The following SYT15B variants were observed in gnomAD, a reference collection of about 807,000 sequenced individuals.
The protein encoded by SYT15B is synaptotagmin-15.
chr10:47,745,882 A>G, the SYT15B span, among the ~76,000 whole-genome samples: 13 of 151,174 alleles, frequency 8.6e-5, no homozygotes, highest in African/African-American at 2.7e-4. Flanking sequence ...GCTTTGGCCA[A>G]TGGGATATTG....
the SYT15B span, among the ~76,000 whole-genome samples, chr10:47,756,701 G>A: frequency 1.3e-5 from 2 of 152,310 alleles, no homozygotes; most frequent in Non-Finnish European, 2.9e-5. Flanking sequence ...CACTGGGATG[G>A]GTGGGATGTG....
At chr10:47,747,818 T>A in the SYT15B span, among the ~76,000 whole-genome samples, 1 of 151,832 alleles carries the variant, frequency 6.6e-6, no homozygotes. Context: ...GAGACTTTCA[T>A]CAAAGAACTG....
At chr10:47,755,555 CTTTTTTTTT>C in the SYT15B span, among the ~76,000 whole-genome samples, 6 of 82,988 alleles carry the variant, frequency 7.2e-5, no homozygotes, top group Admixed American at 1.5e-4. Context: ...GTGCCCGGCC[CTTTTTTTTT>C]TTTTTTTTTT....
At chr10:47,749,679 GA>G in the SYT15B span, among the ~76,000 whole-genome samples, 230 of 151,080 alleles carry the variant, frequency 1.5e-3, 5 homozygotes, top group African/African-American at 5.3e-3. Flanking sequence ...GGTAGGGGGG[GA>G]AACGGAATTA....
chr10:47,753,130 A>G, the SYT15B span: 2 of 980,548 alleles, frequency 2.0e-6, no homozygotes, highest in Admixed American at 6.2e-5. Flanking sequence ...ATAAAAAAAA[A>G]AAAGAAAAAG....
chr10:47,763,165 C>T, the SYT15B span: 1 of 989,644 alleles, frequency 1.0e-6, no homozygotes, highest in Non-Finnish European at 1.2e-6. Flanking sequence ...GGGGAGCCTT[C>T]CCGGATCCCG....
chr10:47,747,980 A>G, the SYT15B span, among the ~76,000 whole-genome samples: 1 of 152,112 alleles, frequency 6.6e-6, no homozygotes, highest in African/African-American at 2.4e-5. Flanking sequence ...CTCTAAGCTG[A>G]AGAACAGAGA....
chr10:47,748,757 C>T, the SYT15B span, among the ~76,000 whole-genome samples: 2 of 151,088 alleles, frequency 1.3e-5, no homozygotes, highest in Non-Finnish European at 3.0e-5. Context: ...TGAGCCAGTG[C>T]ATGTTACTGA....
chr10:47,750,926 A>C, the SYT15B span: 2 of 150,874 alleles, frequency 1.3e-5, no homozygotes, highest in Admixed American at 1.3e-4. Flanking sequence ...ACAGTCAATT[A>C]GTATAAGTCA....
chr10:47,750,707 G>T, the SYT15B span, among the ~76,000 whole-genome samples: 1 of 129,404 alleles, frequency 7.7e-6, no homozygotes, highest in Non-Finnish European at 1.6e-5. Context: ...CAAAGTGCGG[G>T]GATAATAGAT....
the SYT15B span, chr10:47,759,928 CT>C: frequency 7.8e-6 from 12 of 1,533,786 alleles, no homozygotes; most frequent in Admixed American, 1.0e-4. Context: ...CATGCATCTC[CT>C]ATGACAGAGG....
the SYT15B span, chr10:47,762,931 C>G: frequency 1.5e-6 from 2 of 1,359,128 alleles, no homozygotes; most frequent in East Asian, 3.4e-5. Flanking sequence ...CCAGCCAGGG[C>G]GGGTCCCGGG....
At chr10:47,745,631 G>A in the SYT15B span, among the ~76,000 whole-genome samples, 1 of 125,872 alleles carries the variant, frequency 7.9e-6, no homozygotes, top group African/African-American at 2.7e-5. Context: ...ATGGCATCGA[G>A]GCCCAAAAGC....
At chr10:47,749,654 G>GTTT in the SYT15B span, among the ~76,000 whole-genome samples, 1 of 150,036 alleles carries the variant, frequency 6.7e-6, no homozygotes, top group African/African-American at 2.5e-5. Context: ...AAAAGAATGT[G>GTTT]TAAGTAAAAC....
chr10:47,746,776 A>C, the SYT15B span, among the ~76,000 whole-genome samples: 3 of 115,834 alleles, frequency 2.6e-5, no homozygotes, highest in African/African-American at 9.4e-5. Flanking sequence ...TGGCATTGAC[A>C]TGTTGTGATT....
the SYT15B span, among the ~76,000 whole-genome samples, chr10:47,761,114 AC>A: frequency 6.7e-6 from 1 of 149,902 alleles, no homozygotes; most frequent in Non-Finnish European, 1.5e-5. Context: ...ACACACACAC[AC>A]ACACACACAC....
At chr10:47,755,330 A>G in the SYT15B span, among the ~76,000 whole-genome samples, 2 of 151,748 alleles carry the variant, frequency 1.3e-5, no homozygotes, top group South Asian at 4.2e-4. Context: ...ATCTCGGCTC[A>G]CTGCAAGCTC....
At chr10:47,762,192 G>C in the SYT15B span, among the ~76,000 whole-genome samples, 1 of 151,656 alleles carries the variant, frequency 6.6e-6, no homozygotes. Context: ...CACGCGCTTA[G>C]GGGAGTTGGT....
chr10:47,761,108 A>G, the SYT15B span, among the ~76,000 whole-genome samples: 1 of 149,266 alleles, frequency 6.7e-6, no homozygotes, highest in East Asian at 2.0e-4. Flanking sequence ...ACACGCACAC[A>G]CACACACACA....
Sources: gnomAD v4.1 joint callset for allele counts (sites outside exome capture counted in the v4.1 genomes callset) on GRCh38, gnomAD v4.1.1 for gene constraint, MANE v1.5 for transcripts, NCBI Gene and HGNC (gene_info 2026-07-23, HGNC 2026-07-21) for gene names.